DTYMK: variants seen among roughly 807,000 people sequenced by gnomAD.
DTYMK encodes deoxythymidylate kinase.
Under a neutral mutation model 20.3 loss-of-function variants are expected in DTYMK, and 20 were observed. That is an observed-to-expected ratio of 0.99 (90% CI 0.69 to 1.43). DTYMK has a LOEUF of 1.43. DTYMK is among the 40% of genes most tolerant of loss of function. The pLI is 0.00. For synonymous variants in DTYMK, 148 were observed against 124.4 expected (o/e 1.19, Z -1.27); for missense variants, 320 against 291.1 (o/e 1.10, Z -0.72).
At chr2:241,678,946 G>A (rs185236211) in intron 3 of DTYMK, among the ~76,000 whole-genome samples, 295 of 152,306 alleles carry the variant, frequency 1.9e-3, no homozygotes, top group Admixed American at 2.8e-3. Context: ...CTACAGGCCT[G>A]CTGGCCAGGA....
Position 241,686,741 on chromosome 2 carries a change from C to A in DTYMK, c.43G>T (p.Asp15Tyr). The A allele has an allele frequency of 6.5e-7, 1 of 1,544,914 alleles. No homozygotes were observed. The highest frequency in any genetic ancestry group is 1.2e-5 in the South Asian group (1 of 84,562). Residue 15 changes from aspartate to tyrosine, a missense_variant, in exon 1 of 5, where the codon GAC becomes TAC. By Grantham distance (160) the Asp-to-Tyr change is radical. Coordinates refer to ENST00000305784, the MANE Select transcript of DTYMK (RefSeq NM_012145.4). The part of the protein sequence containing the change: ...RGALIVLEGV[D>Y]RAGKSTQSRK... Reference sequence around the variant, plus strand: ...CTCTGCGTGCTCTTCCCGGCGCGGTCCACGCCCTCCAGCACTATGAGAGCC... The same window carrying A: ...CTCTGCGTGCTCTTCCCGGCGCGGTACACGCCCTCCAGCACTATGAGAGCC...
In DTYMK at chr2:241,680,248, G is replaced by A. The variant is rs747637224; in HGVS notation, c.311C>T (p.Ala104Val). Residue 104 changes from alanine (A) to valine (V), a missense_variant, in exon 3 of 5, where the codon GCC becomes GTC. Coordinates refer to ENST00000305784, the MANE Select transcript of DTYMK (RefSeq NM_012145.4). ...ACTCACCTCCTTGGCACCGGTGAAG[G>A]CCACACCAGAAAATGCGTATCTGTC... is the stretch of plus-strand genomic sequence containing the variant. ...VVDRYAFSGVAFTGAKENFSL... is the reference protein window; with the variant it reads ...VVDRYAFSGVVFTGAKENFSL... 4.3e-6 allele frequency: 7 copies of A among 1,614,054 alleles called. No individual in the cohort carries two copies. The highest frequency in any genetic ancestry group is 1.3e-5 in the African/African-American group (1 of 74,934).
intron 3 of DTYMK, among the ~76,000 whole-genome samples, chr2:241,679,364 G>A (rs985443409): frequency 3.9e-5 from 6 of 152,272 alleles, no homozygotes; most frequent in South Asian, 2.1e-4. Flanking sequence ...CAGCTGATCC[G>A]CACAGCAGGA....
chr2:241,680,129 C>G, intron 3 of DTYMK, 100 bp downstream of exon 3: 1 of 1,127,108 alleles, frequency 8.9e-7, no homozygotes, highest in Non-Finnish European at 1.3e-6. Context: ...TCACGAAACT[C>G]TGCAGAGTAA....
At chr2:241,686,507 C>T in intron 1 of DTYMK, 147 bp downstream of exon 1, 1 of 1,277,334 alleles carries the variant, frequency 7.8e-7, no homozygotes, top group Non-Finnish European at 1.0e-6. Flanking sequence ...GCACTCCAGC[C>T]TGGGCGACAC....
chr2:241,686,812 C>G lies in DTYMK; in HGVS notation c.-29G>C. 7.0e-7 allele frequency: 1 copy of G among 1,433,442 alleles called. No individual in the cohort carries two copies. Among genetic ancestry groups the G allele is most frequent in the South Asian group, 1.5e-5 (1 of 66,596 alleles). 88.8% of individuals were successfully genotyped at this position (1,433,442 alleles called of 1,614,324 possible). ...TGTCCACCGCCCGCCGCTGGCGTCTCCACGCAGCCTTCCGGAGCTCCCATT... is the reference window on the plus strand; with the variant it reads ...TGTCCACCGCCCGCCGCTGGCGTCTGCACGCAGCCTTCCGGAGCTCCCATT... On this transcript the variant is annotated 5_prime_UTR_variant, in exon 1 of 5. Transcript: ENST00000305784.
intron 2 of DTYMK, among the ~76,000 whole-genome samples, chr2:241,684,234 C>A (rs1442924465): frequency 6.6e-6 from 1 of 152,158 alleles, no homozygotes; most frequent in African/African-American, 2.4e-5. Flanking sequence ...CAGGATTATT[C>A]TTCATTTTAA....
rs994107697 is a variant in DTYMK at position 241,675,869 on chromosome 2, CAG to C, written c.*256_*257del. ...ACTGAACTTCAGTAAGAAAATACAACAGAGTGCCATCAGGACAGGGGAGAGGG... is the reference window on the plus strand; with the variant it reads ...ACTGAACTTCAGTAAGAAAATACAACAGTGCCATCAGGACAGGGGAGAGGG... On this transcript the variant is annotated 3_prime_UTR_variant, in exon 5 of 5. Transcript: ENST00000305784. 5 of 351,538 alleles carry C rather than the reference CAG, an allele frequency of 1.4e-5. No individual in the cohort carries two copies. In the Admixed American group the frequency reaches 1.4e-4, roughly 10 times the overall value. 21.8% of individuals were successfully genotyped at this position (351,538 alleles called of 1,614,324 possible). A position where few individuals can be genotyped will look rare whatever the true frequency, so the allele number is the denominator to read the frequency against.
Position 241,680,250 on chromosome 2 carries a change from C to T in DTYMK, c.309G>A (p.Val103=), listed in dbSNP as rs1281866505. The T allele has an allele frequency of 4.3e-6, 7 of 1,614,062 alleles. No individual in the cohort carries two copies. Among genetic ancestry groups the T allele is most frequent in the Non-Finnish European group, 5.9e-6 (7 of 1,180,048 alleles). ...TCACCTCCTTGGCACCGGTGAAGGCCACACCAGAAAATGCGTATCTGTCCA... is the reference window on the plus strand; with the variant it reads ...TCACCTCCTTGGCACCGGTGAAGGCTACACCAGAAAATGCGTATCTGTCCA... ...LVVDRYAFSG[V]AFTGAKENFS... Residue 103 remains valine, a synonymous_variant, in exon 3 of 5, where the codon GTG becomes GTA. Transcript: ENST00000305784.
chr2:241,683,213 A>G lies in DTYMK; in HGVS notation c.239+2556T>C, dbSNP rs148315652. Among the ~76,000 whole-genome samples the G allele has an allele frequency of 1.5e-3, 235 of 152,352 alleles. 1 individual carries two copies. The highest frequency in any genetic ancestry group is 2.8e-3 in the Non-Finnish European group (193 of 68,034). Reference sequence around the variant, plus strand: ...GGGAAATGCAAACTAGAACAATGAGATGCCACACACACCTATCAGAATGGC... The same window carrying G: ...GGGAAATGCAAACTAGAACAATGAGGTGCCACACACACCTATCAGAATGGC... On this transcript the variant is annotated intron_variant, in intron 2 of 4. Transcript: ENST00000305784.
chr2:241,678,780 CGT>C (rs965963403), intron 3 of DTYMK, 131 bp from the exon 4 acceptor site: 20 of 1,061,204 alleles, frequency 1.9e-5, no homozygotes, highest in Non-Finnish European at 2.7e-5. Flanking sequence ...TATTGTGGCT[CGT>C]TTAATTTTTA....
Position 241,678,038 on chromosome 2 carries a change from G to A in DTYMK, c.528+414C>T, listed in dbSNP as rs548147834. Among the ~76,000 whole-genome samples the A allele has an allele frequency of 1.1e-3, 168 of 152,312 alleles. 1 individual carries two copies. The highest frequency in any genetic ancestry group is 3.8e-3 in the African/African-American group (156 of 41,568). On this transcript the variant is annotated intron_variant, in intron 4 of 4. Transcript: ENST00000305784. ...TGCCTATAATCCCAGCACTTTGGGAGGCCGAGGTGGGCAGATCACCTGAGG... is the reference window on the plus strand; with the variant it reads ...TGCCTATAATCCCAGCACTTTGGGAAGCCGAGGTGGGCAGATCACCTGAGG...
chr2:241,676,298 G>A (rs1051799262), intron 4 of DTYMK, 61 bp from the exon 5 acceptor site: 36 of 1,486,278 alleles, frequency 2.4e-5, no homozygotes, highest in African/African-American at 9.7e-5. Context: ...GGCTGGTCAC[G>A]GGAGCCCACG....
At chr2:241,686,553 G>A in intron 1 of DTYMK, 101 bp downstream of exon 1, 1 of 1,380,354 alleles carries the variant, frequency 7.2e-7, no homozygotes, top group Non-Finnish European at 9.3e-7. Context: ...AAACCGCACA[G>A]TTCACAGCAC....
chr2:241,686,720 G>T lies in DTYMK; in HGVS notation c.64C>A (p.Gln22Lys). The T allele has an allele frequency of 6.5e-7, 1 of 1,545,416 alleles. No homozygotes were observed. Among genetic ancestry groups the T allele is most frequent in the Non-Finnish European group, 8.6e-7 (1 of 1,158,660 alleles). ...EGVDRAGKST[Q>K]SRKLVEALCA... ...AGCGCTTCCACCAGCTTGCGGCTCT[G>T]CGTGCTCTTCCCGGCGCGGTCCACG... Residue 22 changes from glutamine to lysine, a missense_variant, in exon 1 of 5, where the codon CAG becomes AAG. Coordinates refer to ENST00000305784, the MANE Select transcript of DTYMK (RefSeq NM_012145.4).
At position 241,676,719 on chromosome 2, in the gene DTYMK, C is replaced by T. The variant is rs182885343; in HGVS notation, c.529-482G>A. Among the ~76,000 whole-genome samples, 968 of 152,374 alleles carry T rather than the reference C, an allele frequency of 6.4e-3. 13 individuals carry two copies. The highest frequency in any genetic ancestry group is 0.022 in the African/African-American group (924 of 41,592). ...GACCTCAGCCTCGTGACCCCAACCC[C>T]GCTGAGTGCCCACTTGCAGGAGTGA... On this transcript the variant is annotated intron_variant, in intron 4 of 4. Transcript: ENST00000305784.
At chr2:241,680,412 C>T in intron 2 of DTYMK, 93 bp from the exon 3 acceptor site, 1 of 1,384,948 alleles carries the variant, frequency 7.2e-7, no homozygotes, top group Non-Finnish European at 1.0e-6. Context: ...CGCAGTGGCT[C>T]ACCCCTATAA....
rs555783950 is a variant in DTYMK, at chr2:241,676,942, C to A, written c.529-705G>T. 2.0e-5 allele frequency among the ~76,000 whole-genome samples: 3 copies of A among 152,380 alleles called. No homozygotes were observed. In the East Asian group the frequency reaches 5.8e-4, roughly 29 times the overall value. On this transcript the variant is annotated intron_variant, in intron 4 of 4. Coordinates refer to ENST00000305784, the MANE Select transcript of DTYMK (RefSeq NM_012145.4). ...CAGCAGGACCAGTGCAACACTGGGC[C>A]TGACTCGTCCTTGCGGGGAAGATGA...
intron 2 of DTYMK, among the ~76,000 whole-genome samples, chr2:241,681,381 A>G (rs35635596): frequency 0.17 from 26,091 of 152,152 alleles, 2,456 homozygotes; most frequent in Non-Finnish European, 0.22. Context: ...TATACCCTCC[A>G]CGAACATAAA....
Sources: gnomAD v4.1 joint callset for allele counts (sites outside exome capture counted in the v4.1 genomes callset) on GRCh38, gnomAD v4.1.1 for gene constraint, MANE v1.5 for transcripts, NCBI Gene and HGNC (gene_info 2026-07-23, HGNC 2026-07-21) for gene names.